The following DIP2C variants were observed in gnomAD, a reference collection of about 807,000 sequenced individuals.
The protein encoded by DIP2C is disco-interacting protein 2 homolog C.
A neutral mutation model predicts 192.4 loss-of-function variants in DIP2C; 33 were observed. The observed-to-expected ratio is 0.17, with a 90% confidence interval of 0.13 to 0.23. The LOEUF is 0.23. Ranked by LOEUF, DIP2C falls within the 10% of genes least tolerant of loss-of-function variation. The pLI, the probability that DIP2C is intolerant of heterozygous loss-of-function variation, is 1.00. For synonymous variants in DIP2C, 979 were observed against 864.1 expected (o/e 1.13, Z -2.33); for missense variants, 1,537 against 2,110.1 (o/e 0.73, Z 5.32).
rs772186999 is a variant in DIP2C at position 356,291 on chromosome 10, C to A, written c.2985+135G>T. ...AATCCCTAGGTACAAAAGTCTCAGT[C>A]AAAATAGCAAAACATAAAAAGAATT... On this transcript the variant is annotated intron_variant, in intron 24 of 36. Transcript: ENST00000280886. 11 of 1,058,676 alleles carry A rather than the reference C, an allele frequency of 1.0e-5. No individual in the cohort carries two copies. In the African/African-American group the frequency reaches 1.4e-4, roughly 14 times the overall value. The allele number at this position is 1,058,676 out of a possible 1,614,324, so 65.6% of individuals were successfully genotyped here.
chr10:387,220 C>T (rs933796477), intron 14 of DIP2C, among the ~76,000 whole-genome samples: 2 of 152,210 alleles, frequency 1.3e-5, no homozygotes, highest in South Asian at 4.1e-4. Flanking sequence ...CCCTGGAAGG[C>T]TGTTTTCGGC....
chr10:531,550 G>C (rs1384070101), intron 1 of DIP2C, among the ~76,000 whole-genome samples: 1 of 152,118 alleles, frequency 6.6e-6, no homozygotes, highest in Non-Finnish European at 1.5e-5. Context: ...AAGGTTCAGG[G>C]CCCCCCAGTC....
At chr10:343,433 G>A (rs545265845) in intron 28 of DIP2C, among the ~76,000 whole-genome samples, 46 of 152,216 alleles carry the variant, frequency 3.0e-4, no homozygotes, top group Non-Finnish European at 5.7e-4. Context: ...AGCAAGAGGT[G>A]AGAGAACTTG....
intron 1 of DIP2C, among the ~76,000 whole-genome samples, chr10:489,812 G>A (rs112157432): frequency 1.7e-5 from 2 of 114,554 alleles, no homozygotes; most frequent in South Asian, 3.7e-4. Flanking sequence ...CTCTGACGGT[G>A]CCCGGGGCTT....
chr10:439,953 T>C (rs1967595036), intron 4 of DIP2C, among the ~76,000 whole-genome samples: 1 of 152,204 alleles, frequency 6.6e-6, no homozygotes, highest in Admixed American at 6.5e-5. Flanking sequence ...TAAGGTGATT[T>C]AGGTCCTTTG....
chr10:326,124 G>T (rs1346259927), intron 31 of DIP2C, among the ~76,000 whole-genome samples: 1 of 152,138 alleles, frequency 6.6e-6, no homozygotes, highest in South Asian at 2.1e-4. Context: ...GGGGCAGGGG[G>T]TTGAGGCTGC....
chr10:543,680 T>C (rs754676121), intron 1 of DIP2C, among the ~76,000 whole-genome samples: 1 of 152,238 alleles, frequency 6.6e-6, no homozygotes, highest in Non-Finnish European at 1.5e-5. Context: ...CATAGTAACA[T>C]GTTTTGGATA....
chr10:275,313 T>TCC lies in DIP2C; in HGVS notation c.*2010_*2011dup, dbSNP rs547243152. On this transcript the variant is annotated 3_prime_UTR_variant, in exon 37 of 37. Transcript: ENST00000280886. The stretch of plus-strand genomic sequence containing the variant: ...TTTTTTCCCCCCAATGTGTGGTGGT[T>TCC]CCCCCCTTAGGAAGCAGAGACTAGG... 2 of 151,922 alleles carry TCC rather than the reference T, an allele frequency of 1.3e-5. No homozygotes were observed. The highest frequency in any genetic ancestry group is 4.8e-5 in the African/African-American group (2 of 41,306). 9.4% of individuals were successfully genotyped at this position (151,922 alleles called of 1,614,324 possible).
chr10:662,828 T>A, intron 1 of DIP2C: 1 of 717,224 alleles, frequency 1.4e-6, no homozygotes, highest in Non-Finnish European at 2.6e-6. Context: ...ATGGCTGTGG[T>A]TGAGGAAAGA....
chr10:517,231 A>T (rs1196197872), intron 1 of DIP2C, among the ~76,000 whole-genome samples: 1 of 152,140 alleles, frequency 6.6e-6, no homozygotes, highest in Non-Finnish European at 1.5e-5. Context: ...ATCAAATCAA[A>T]CCTTGCTGTC....
chr10:447,694 G>C lies in DIP2C; in HGVS notation c.269-6698C>G, dbSNP rs577620770. On this transcript the variant is annotated intron_variant, in intron 3 of 36. Coordinates refer to ENST00000280886, the MANE Select transcript of DIP2C (RefSeq NM_014974.3). The stretch of plus-strand genomic sequence containing the variant: ...CCATTGATATTCAGGATCACACACA[G>C]TGGGGCAGCAGGACCCGCTCACTCC... 2.4e-3 allele frequency among the ~76,000 whole-genome samples: 300 copies of C among 125,330 alleles called. 19 individuals are homozygous for C. The highest frequency in any genetic ancestry group is 0.013 in the African/African-American group (287 of 22,290). The allele number at this position is 125,330 out of a possible 152,430, so 82.2% of individuals were successfully genotyped here. A position where few individuals can be genotyped will look rare whatever the true frequency, so the allele number is the denominator to read the frequency against.
intron 7 of DIP2C, among the ~76,000 whole-genome samples, chr10:414,731 G>GTATA (rs1469907667): frequency 7.8e-5 from 5 of 63,866 alleles, no homozygotes; most frequent in East Asian, 1.3e-3. Flanking sequence ...GTGTGTGTGT[G>GTATA]TGTGTGTGTA....
chr10:674,517 C>A (rs1830788603), intron 1 of DIP2C, among the ~76,000 whole-genome samples: 1 of 151,858 alleles, frequency 6.6e-6, no homozygotes. Context: ...CACCTGTAAT[C>A]CCAGCACTTT....
intron 1 of DIP2C, among the ~76,000 whole-genome samples, chr10:582,121 G>A: frequency 6.6e-6 from 1 of 152,178 alleles, no homozygotes. Context: ...GCGGAGCTCA[G>A]GCAGTCATGC....
intron 2 of DIP2C, among the ~76,000 whole-genome samples, chr10:477,834 G>C (rs982004819): frequency 1.6e-5 from 2 of 128,620 alleles, no homozygotes; most frequent in Admixed American, 8.0e-5. Flanking sequence ...AGAAGGAGAA[G>C]GGAGAAAGAA....
intron 1 of DIP2C, among the ~76,000 whole-genome samples, chr10:527,635 A>G (rs1847130787): frequency 6.6e-6 from 1 of 152,242 alleles, no homozygotes; most frequent in Non-Finnish European, 1.5e-5. Flanking sequence ...TATAAAATCC[A>G]GTGGTTACAC....
chr10:298,453 C>G (rs541346470), intron 32 of DIP2C, among the ~76,000 whole-genome samples: 2 of 152,244 alleles, frequency 1.3e-5, no homozygotes, highest in African/African-American at 4.8e-5. Context: ...TTCCCCGTCC[C>G]TTCCACATGC....
chr10:364,629 G>A (rs1180067845), intron 19 of DIP2C, 47 bp from the exon 20 acceptor site: 2 of 1,589,210 alleles, frequency 1.3e-6, no homozygotes, highest in Non-Finnish European at 1.7e-6. Flanking sequence ...TGGTCAGCTG[G>A]TTTTAATCCT....
intron 1 of DIP2C, among the ~76,000 whole-genome samples, chr10:585,336 C>G (rs1439317938): frequency 6.6e-6 from 1 of 152,232 alleles, no homozygotes; most frequent in African/African-American, 2.4e-5. Flanking sequence ...AGGCCTCTCT[C>G]CATTCCCTAC....
Sources: allele counts gnomAD v4.1 joint callset (sites outside exome capture counted in the v4.1 genomes callset), GRCh38; gene constraint gnomAD v4.1.1; transcripts MANE v1.5; gene names NCBI Gene and HGNC (gene_info 2026-07-23, HGNC 2026-07-21).